XKR5: variants seen among roughly 807,000 people sequenced by gnomAD.
XKR5 encodes the protein XK related 5.
Under a neutral mutation model 40.8 loss-of-function variants are expected in XKR5, and 46 were observed. The observed-to-expected ratio is 1.13, with a 90% CI of 0.89 to 1.44. XKR5 has a LOEUF of 1.44. XKR5 is among the 40% of genes most tolerant of loss of function. XKR5 has a pLI of 0.00. For missense variants in XKR5, 1,169 were observed against 844.7 expected (o/e 1.38, Z -4.76); for synonymous variants, 466 against 356.1 (o/e 1.31, Z -3.48).
At chr8:6,827,208 C>G (rs373566875) in intron 2 of XKR5, among the ~76,000 whole-genome samples, 1 of 152,192 alleles carries the variant, frequency 6.6e-6, no homozygotes, top group African/African-American at 2.4e-5. Context: ...GTCTACCTAG[C>G]AGCAGCAATA....
intron 5 of XKR5, 64 bp downstream of exon 5, chr8:6,821,805 A>C (rs1223664372): frequency 6.8e-7 from 1 of 1,478,542 alleles, no homozygotes; most frequent in Admixed American, 2.0e-5. Flanking sequence ...CCCCACACAC[A>C]CCCACACACA....
Position 6,811,737 on chromosome 8 carries a change from C to G in XKR5, c.1522G>C (p.Gly508Arg), listed in dbSNP as rs531120069. 2.0e-6 allele frequency: 3 copies of G among 1,537,614 alleles called. No homozygotes were observed. Among genetic ancestry groups the G allele is most frequent in the African/African-American group, 1.4e-5 (1 of 73,178 alleles). ...GCTCCTTCCTTTGGGGTGCCCTCCCCCTGCGTGGCTGCTGGGTTCTGGGTA... is the reference window on the plus strand; with the variant it reads ...GCTCCTTCCTTTGGGGTGCCCTCCCGCTGCGTGGCTGCTGGGTTCTGGGTA... ...APTQNPAATQ[G>R]EGTPKEGADA... Residue 508 changes from glycine (G) to arginine (R), a missense_variant, in exon 7 of 7, where the codon GGG (glycine) becomes CGG (arginine). Gly to Arg is a moderately radical substitution (Grantham distance 125). Coordinates refer to ENST00000618742, the MANE Select transcript of XKR5 (RefSeq NM_207411.5).
intron 1 of XKR5, 105 bp downstream of exon 1, chr8:6,835,331 G>T (rs1804964519): frequency 1.7e-6 from 2 of 1,191,010 alleles, no homozygotes; most frequent in African/African-American, 1.6e-5. Flanking sequence ...CTGGGCGCAG[G>T]CTGGGGCAGT....
chr8:6,822,123 G>T (rs1009501870), intron 4 of XKR5, 85 bp from the exon 5 acceptor site: 3 of 1,366,232 alleles, frequency 2.2e-6, no homozygotes, highest in Admixed American at 2.5e-5. Flanking sequence ...GGGCTGGAAG[G>T]CTCTCCGACC....
chr8:6,828,274 G>A (rs1344644821), intron 2 of XKR5, among the ~76,000 whole-genome samples: 2 of 152,194 alleles, frequency 1.3e-5, no homozygotes, highest in Non-Finnish European at 2.9e-5. Flanking sequence ...GAGGAGGACA[G>A]GCAAACTCTG....
chr8:6,825,118 C>T, intron 3 of XKR5, 47 bp downstream of exon 3: 2 of 1,605,180 alleles, frequency 1.2e-6, no homozygotes, highest in Non-Finnish European at 1.7e-6. Context: ...ATTCCTGTCC[C>T]CCTTCGGCAG....
chr8:6,823,708 C>G lies in XKR5; in HGVS notation c.450G>C (p.Trp150Cys). The part of the protein sequence containing the change: ...IVPGVSTLFS[W>C]SSLSWALVSY... Reference sequence around the variant, plus strand: ...ACACCAGTGCCCAGGAGAGTGAGGACCAGGAAAACAGGGTGCTCACCCCTG... The same window carrying G: ...ACACCAGTGCCCAGGAGAGTGAGGAGCAGGAAAACAGGGTGCTCACCCCTG... The change falls in exon 4 of 7, where the codon TGG (tryptophan) becomes TGC (cysteine). Residue 150 changes from tryptophan (W) to cysteine (C), a missense_variant. Coordinates refer to ENST00000618742, the MANE Select transcript of XKR5 (RefSeq NM_207411.5). 6.3e-7 allele frequency: 1 copy of G among 1,584,004 alleles called. No individual in the cohort carries two copies. The highest frequency in any genetic ancestry group is 1.2e-5 in the South Asian group (1 of 86,454).
chr8:6,833,101 C>T (rs937549537), intron 1 of XKR5, among the ~76,000 whole-genome samples: 2 of 152,210 alleles, frequency 1.3e-5, no homozygotes, highest in Non-Finnish European at 2.9e-5. Context: ...TTGCCTTTGA[C>T]ATGCGAACTA....
chr8:6,813,086 C>A (rs1587153984), intron 6 of XKR5, among the ~76,000 whole-genome samples: 1 of 152,200 alleles, frequency 6.6e-6, no homozygotes, highest in Admixed American at 6.5e-5. Flanking sequence ...TGAAGTAATG[C>A]CTGAGAAGGC....
chr8:6,822,701 A>T (rs944758304), intron 4 of XKR5, among the ~76,000 whole-genome samples: 1 of 152,220 alleles, frequency 6.6e-6, no homozygotes, highest in Non-Finnish European at 1.5e-5. Flanking sequence ...TGATGACCAG[A>T]GATGACAGCT....
intron 5 of XKR5, among the ~76,000 whole-genome samples, chr8:6,818,518 G>A (rs535777710): frequency 3.9e-5 from 6 of 152,346 alleles, no homozygotes; most frequent in East Asian, 3.9e-4. Context: ...AACCCATAAC[G>A]GGTGAAAGAA....
chr8:6,821,507 T>C (rs1244342799), intron 5 of XKR5, among the ~76,000 whole-genome samples: 2 of 152,232 alleles, frequency 1.3e-5, no homozygotes, highest in Non-Finnish European at 2.9e-5. Flanking sequence ...CTGGATCTTA[T>C]TCATAAACCC....
chr8:6,822,274 C>G (rs9774066), intron 4 of XKR5, among the ~76,000 whole-genome samples: 68,788 of 152,094 alleles, frequency 0.45, 16,472 homozygotes, highest in East Asian at 0.93. Context: ...GAATATGACA[C>G]AAGAAAGAGT....
chr8:6,811,365 G>A lies in XKR5; in HGVS notation c.1894C>T (p.Pro632Ser), dbSNP rs1489611689. 12 of 1,537,364 alleles carry A rather than the reference G, an allele frequency of 7.8e-6. No individual in the cohort carries two copies. The highest frequency in any genetic ancestry group is 1.2e-5 in the South Asian group (1 of 84,064). Reference sequence around the variant, plus strand: ...GCATGGTGACTTAGCTCCCTTTTGGGCTCCAGCGGCTCCTCTAGCTCTGAG... The same window carrying A: ...GCATGGTGACTTAGCTCCCTTTTGGACTCCAGCGGCTCCTCTAGCTCTGAG... ...SISELEEPLEPKRELSHHAAV... is the reference protein window; with the variant it reads ...SISELEEPLESKRELSHHAAV... Residue 632 changes from proline to serine, a missense_variant, in exon 7 of 7, where the codon CCC becomes TCC. Physicochemically the swap from Pro to Ser is moderately conservative, Grantham distance 74 (BLOSUM62 -1). Coordinates refer to ENST00000618742, the MANE Select transcript of XKR5 (RefSeq NM_207411.5).
rs1441175126 is a variant in XKR5 at position 6,810,091 on chromosome 8, T to A, written c.*1107A>T. 1 of 152,298 alleles carries A rather than the reference T, an allele frequency of 6.6e-6. No homozygotes were observed. The highest frequency in any genetic ancestry group is 6.5e-5 in the Admixed American group (1 of 15,276). The allele number at this position is 152,298 out of a possible 1,614,324, so 9.4% of individuals were successfully genotyped here. A position where few individuals can be genotyped will look rare whatever the true frequency, so the allele number is the denominator to read the frequency against. ...TCATGCCACTGCACTCCAGCCTGGG[T>A]GACAGAGAGGCCCTGTCTCAACAAA... On this transcript the variant is annotated 3_prime_UTR_variant, in exon 7 of 7. Coordinates refer to ENST00000618742, the MANE Select transcript of XKR5 (RefSeq NM_207411.5).
intron 2 of XKR5, among the ~76,000 whole-genome samples, chr8:6,832,000 G>T (rs935014120): frequency 5.1e-5 from 6 of 118,806 alleles, no homozygotes; most frequent in Admixed American, 2.1e-4. Flanking sequence ...GGGTGACAGA[G>T]TGAGACTCCA....
Position 6,812,051 on chromosome 8 carries a change from T to C in XKR5, c.1208A>G (p.His403Arg), listed in dbSNP as rs1163693266. ...GGCAAGTTTCACCCACAGCCAGTGG[T>C]GATGACTGAGGAAAGAGTCCTCCAC... ...VAVEDSFLSH[H>R]HWLWVKLALK... Residue 403 changes from histidine (H) to arginine (R), a missense_variant, in exon 7 of 7, where the codon CAC becomes CGC. Coordinates refer to ENST00000618742, the MANE Select transcript of XKR5 (RefSeq NM_207411.5). 9 of 1,538,788 alleles carry C rather than the reference T, an allele frequency of 5.8e-6. No individual in the cohort carries two copies. The Admixed American group carries it at 9.8e-5, about 17-fold the overall frequency.
At chr8:6,815,296 C>CCAGGCCTGTGCT (rs1803906259) in intron 6 of XKR5, among the ~76,000 whole-genome samples, 2 of 152,190 alleles carry the variant, frequency 1.3e-5, no homozygotes, top group Admixed American at 1.3e-4. Flanking sequence ...GATGACAGTG[C>CCAGGCCTGTGCT]CAGGCCTGTG....
intron 4 of XKR5, among the ~76,000 whole-genome samples, chr8:6,822,290 C>T (rs1206169048): frequency 6.6e-6 from 1 of 152,210 alleles, no homozygotes; most frequent in Non-Finnish European, 1.5e-5. Context: ...AGAGTAGCTT[C>T]AATAACACTT....
Sources: gnomAD v4.1 joint callset for allele counts (sites outside exome capture counted in the v4.1 genomes callset) on GRCh38, gnomAD v4.1.1 for gene constraint, MANE v1.5 for transcripts, NCBI Gene and HGNC (gene_info 2026-07-23, HGNC 2026-07-21) for gene names.